Variants in AKAP6 observed in about 807,000 individuals in gnomAD.
AKAP6 encodes the protein A-kinase anchoring protein 6, also known as A-kinase anchor protein 6.
In AKAP6, 58 loss-of-function variants were observed where a neutral mutation model predicts 188.5. The ratio of observed to expected loss-of-function variants is 0.31; its 90% CI spans 0.25 to 0.38. The LOEUF (loss-of-function observed/expected upper bound fraction) is 0.38. AKAP6 is among the 10% of genes least tolerant of loss of function. AKAP6 has a pLI of 1.00. For missense variants in AKAP6, 2,710 were observed against 2,740.0 expected (o/e 0.99, Z 0.24); for synonymous variants, 989 against 998.6 (o/e 0.99, Z 0.18).
chr14:32,803,600 A>G (rs183624913), intron 12 of AKAP6, among the ~76,000 whole-genome samples: 24 of 152,140 alleles, frequency 1.6e-4, no homozygotes, highest in Admixed American at 5.9e-4. Flanking sequence ...TACTTCTTAG[A>G]AGTCTGATTA....
At chr14:32,776,210 C>G (rs907337107) in intron 12 of AKAP6, among the ~76,000 whole-genome samples, 7 of 152,160 alleles carry the variant, frequency 4.6e-5, no homozygotes, top group Admixed American at 2.6e-4. Context: ...TGTCCCCAAC[C>G]AAATCTCCTC....
At chr14:32,778,962 G>T (rs540425304) in intron 12 of AKAP6, among the ~76,000 whole-genome samples, 4 of 151,662 alleles carry the variant, frequency 2.6e-5, no homozygotes, top group Non-Finnish European at 4.4e-5. Context: ...GCAATAAATA[G>T]AAGAATAGCA....
chr14:32,525,275 A>G (rs952224490), intron 2 of AKAP6, among the ~76,000 whole-genome samples: 11 of 152,266 alleles, frequency 7.2e-5, no homozygotes, highest in African/African-American at 2.7e-4. Context: ...TCCTGGTCAA[A>G]TAAGTCAGAG....
At chr14:32,565,397 C>T (rs1356870897) in intron 4 of AKAP6, among the ~76,000 whole-genome samples, 2 of 152,180 alleles carry the variant, frequency 1.3e-5, no homozygotes, top group African/African-American at 4.8e-5. Context: ...TGGCAGTCAT[C>T]CCAGATTCTA....
chr14:32,803,180 A>G (rs764817691), intron 12 of AKAP6, among the ~76,000 whole-genome samples: 2 of 151,964 alleles, frequency 1.3e-5, no homozygotes, highest in Non-Finnish European at 2.9e-5. Context: ...ACGGTGGCTC[A>G]TGCCTGTAAT....
chr14:32,771,183 A>G (rs1354460864), intron 11 of AKAP6, among the ~76,000 whole-genome samples: 1 of 152,086 alleles, frequency 6.6e-6, no homozygotes, highest in Non-Finnish European at 1.5e-5. Flanking sequence ...TATTTTATTA[A>G]TTATATCTTC....
rs1009405527 is a variant in AKAP6 at position 32,568,025 on chromosome 14, A to G, written c.2347-9095A>G. On this transcript the variant is annotated intron_variant, in intron 4 of 13. Transcript: ENST00000280979. The surrounding 1 kb of genome is among the most constrained non-coding windows in gnomAD (Gnocchi z 6.2). ...AGAAGAGGAAAGAGAAAAAAGAGGC[A>G]AAACAACAATAGTCAAGGAAGAAAG... 3.9e-5 allele frequency among the ~76,000 whole-genome samples: 6 copies of G among 152,116 alleles called. No homozygotes were observed. Among genetic ancestry groups the G allele is most frequent in the Non-Finnish European group, 8.8e-5 (6 of 68,010 alleles).
intron 13 of AKAP6, among the ~76,000 whole-genome samples, chr14:32,825,150 A>G (rs1323845964): frequency 6.6e-6 from 1 of 152,214 alleles, no homozygotes; most frequent in African/African-American, 2.4e-5. Context: ...ATACTCCATG[A>G]TCAAAATGCA....
chr14:32,632,096 A>G (rs1053468368), intron 7 of AKAP6, among the ~76,000 whole-genome samples: 2 of 151,856 alleles, frequency 1.3e-5, no homozygotes, highest in Non-Finnish European at 2.9e-5. Flanking sequence ...TTTGTTTTTA[A>G]TGAGGGAGGT....
intron 3 of AKAP6, among the ~76,000 whole-genome samples, chr14:32,536,502 G>A (rs1309807143): frequency 2.6e-5 from 4 of 152,192 alleles, no homozygotes; most frequent in Non-Finnish European, 4.4e-5. Context: ...AGATCATGAA[G>A]ATAAAGAGCT....
intron 2 of AKAP6, chr14:32,438,605 T>C (rs1276190655): frequency 6.6e-6 from 1 of 152,180 alleles, no homozygotes; most frequent in African/African-American, 2.4e-5. Context: ...CAATGAAATA[T>C]ATTATACTGA....
intron 7 of AKAP6, among the ~76,000 whole-genome samples, chr14:32,675,173 T>C (rs1006942414): frequency 2.6e-5 from 4 of 152,148 alleles, no homozygotes; most frequent in Admixed American, 6.6e-5. Context: ...AATAGACTCA[T>C]ATAAATCCAG....
intron 2 of AKAP6, among the ~76,000 whole-genome samples, chr14:32,485,359 C>T (rs1879626237): frequency 6.6e-6 from 1 of 152,066 alleles, no homozygotes; most frequent in African/African-American, 2.4e-5. Flanking sequence ...AATAGTATTT[C>T]TGGTTCTAGA....
At chr14:32,431,936 T>C (rs1372877311) in intron 1 of AKAP6, among the ~76,000 whole-genome samples, 1 of 152,230 alleles carries the variant, frequency 6.6e-6, no homozygotes, top group Non-Finnish European at 1.5e-5. Flanking sequence ...AAGGCTTTTG[T>C]CAACTCAACA....
chr14:32,651,050 T>G (rs1395290854), intron 7 of AKAP6, among the ~76,000 whole-genome samples: 3 of 152,274 alleles, frequency 2.0e-5, no homozygotes, highest in East Asian at 3.9e-4. Context: ...AACTAGAGAT[T>G]GTGTTGCAAG....
intron 12 of AKAP6, among the ~76,000 whole-genome samples, chr14:32,793,763 C>T (rs2033680123): frequency 6.6e-6 from 1 of 151,562 alleles, no homozygotes; most frequent in African/African-American, 2.4e-5. Flanking sequence ...CAAAGAAGGG[C>T]ATTAAATAAT....
At position 32,822,344 on chromosome 14, in the gene AKAP6, T is replaced by C; in HGVS notation, c.4531T>C (p.Ser1511Pro). ...GFYFDKKSCK[S>P]KHQTTELQPD... Reference sequence around the variant, plus strand: ...TTATTTTGATAAAAAATCATGCAAATCTAAACATCAGACTACAGAGTTACA... The same window carrying C: ...TTATTTTGATAAAAAATCATGCAAACCTAAACATCAGACTACAGAGTTACA... Residue 1511 changes from serine (S) to proline (P), a missense_variant, in exon 13 of 14, where the codon TCT (serine) becomes CCT (proline). Around this residue, in one of 2 missense-constraint regions of AKAP6, gnomAD observed 2,473 missense variants for 2,426.1 expected, o/e 1.02. Transcript: ENST00000280979. The C allele has an allele frequency of 6.2e-7, 1 of 1,613,906 alleles. No homozygotes were observed. Among genetic ancestry groups the C allele is most frequent in the African/African-American group, 1.3e-5 (1 of 74,984 alleles).
At chr14:32,453,637 C>A (rs1891018525) in intron 2 of AKAP6, among the ~76,000 whole-genome samples, 1 of 111,726 alleles carries the variant, frequency 9.0e-6, no homozygotes, top group Non-Finnish European at 1.7e-5. Flanking sequence ...CGTTCTGTCG[C>A]CCAGGCGGGA....
chr14:32,510,414 G>GTATATATATATACATATATGTATA (rs10557960), intron 2 of AKAP6, among the ~76,000 whole-genome samples: 7 of 112,330 alleles, frequency 6.2e-5, no homozygotes, highest in South Asian at 2.6e-4. Context: ...GTATATATAT[G>GTATATATATATACATATATGTATA]TATATATATA....
Sources: allele counts gnomAD v4.1 joint callset (sites outside exome capture counted in the v4.1 genomes callset), GRCh38; gene constraint gnomAD v4.1.1; regional missense constraint gnomAD v4.1.1; non-coding constraint Gnocchi (gnomAD v3.1); transcripts MANE v1.5; gene names NCBI Gene and HGNC (gene_info 2026-07-23, HGNC 2026-07-21).